Variants in TMEM38A observed in about 807,000 individuals in gnomAD.
TMEM38A encodes transmembrane protein 38A.
In TMEM38A, 17 loss-of-function variants were observed where a neutral mutation model predicts 28.6. The observed-to-expected ratio is 0.60, with a 90% CI of 0.41 to 0.89. The LOEUF (loss-of-function observed/expected upper bound fraction) is 0.89, where lower values mean the gene tolerates loss of function less well. Ranked by LOEUF, TMEM38A falls within the 40% of genes least tolerant of loss-of-function variation. The pLI is 0.00. For missense variants in TMEM38A, 328 were observed against 393.1 expected, an observed-to-expected ratio of 0.83 and a Z score of 1.40; for synonymous variants, 169 against 166.1, an observed-to-expected ratio of 1.02 and a Z score of -0.14.
In TMEM38A at chr19:16,671,201, C is replaced by CTTTTTTTT. The variant is rs34550977; in HGVS notation, c.125-8768_125-8761dup. Reference sequence around the variant, plus strand: ...GTATGGAAAGGGGAAAGGACCTGGGCTTTTTTTTTTTTTTTTTTTTTTGAG... The same window carrying CTTTTTTTT: ...GTATGGAAAGGGGAAAGGACCTGGGCTTTTTTTTTTTTTTTTTTTTTTTTTTTTTTGAG... On this transcript the variant is annotated intron_variant, in intron 1 of 5. Transcript: ENST00000187762. 7.0e-3 allele frequency among the ~76,000 whole-genome samples: 592 copies of CTTTTTTTT among 84,816 alleles called. 35 individuals carry two copies. Among genetic ancestry groups the CTTTTTTTT allele is most frequent in the African/African-American group, 0.023 (353 of 15,100 alleles). The allele number at this position is 84,816 out of a possible 152,430, so 55.6% of individuals were successfully genotyped here.
Position 16,682,484 on chromosome 19 carries a change from C to A in TMEM38A, c.530C>A (p.Thr177Asn). Reference protein sequence around the residue: ...QLLRGVWKPETNEILHMSFPT... With the variant: ...QLLRGVWKPENNEILHMSFPT... ...CTCCGAGGGGTCTGGAAGCCAGAGA[C>A]CAACGAGATCCTGCACATGTCTTTG... The change falls in exon 4 of 6, where the codon ACC becomes AAC. Residue 177 changes from threonine to asparagine, a missense_variant. Transcript: ENST00000187762. The A allele has an allele frequency of 6.2e-7, 1 of 1,614,050 alleles. No homozygotes were observed. Among genetic ancestry groups the A allele is most frequent in the Non-Finnish European group, 8.5e-7 (1 of 1,180,002 alleles).
chr19:16,676,996 G>A (rs922171906), intron 1 of TMEM38A, among the ~76,000 whole-genome samples: 1 of 150,834 alleles, frequency 6.6e-6, no homozygotes, highest in Non-Finnish European at 1.5e-5. Flanking sequence ...CCTGACCTCA[G>A]GTGATCCACC....
In TMEM38A at chr19:16,661,280, C is replaced by G. The variant is rs2086675311; in HGVS notation, c.63C>G (p.Leu21=). 2.5e-6 allele frequency: 4 copies of G among 1,599,512 alleles called. No individual in the cohort carries two copies. Among genetic ancestry groups the G allele is most frequent in the Non-Finnish European group, 3.4e-6 (4 of 1,173,764 alleles). ...ELALSFSRVP[L]FPVFDLSYFI... Reference sequence around the variant, plus strand: ...CGCTCAGCTTCTCGCGGGTGCCGCTCTTCCCCGTCTTCGACCTCAGTTACT... The same window carrying G: ...CGCTCAGCTTCTCGCGGGTGCCGCTGTTCCCCGTCTTCGACCTCAGTTACT... Residue 21 remains leucine, a synonymous_variant, in exon 1 of 6, where the codon CTC becomes CTG. Transcript: ENST00000187762. The surrounding 1 kb of genome is among the most constrained non-coding windows in gnomAD (Gnocchi z 6.5).
At chr19:16,680,346 A>G (rs1568316089) in intron 2 of TMEM38A, 51 bp from the exon 3 acceptor site, 2 of 1,600,554 alleles carry the variant, frequency 1.2e-6, no homozygotes, top group South Asian at 2.2e-5. Context: ...CCCTACCCCC[A>G]TCCTTCACAG....
chr19:16,688,997 C>G lies in TMEM38A; in HGVS notation c.*626C>G, dbSNP rs1196366077. On this transcript the variant is annotated 3_prime_UTR_variant, in exon 6 of 6. Coordinates refer to ENST00000187762, the MANE Select transcript of TMEM38A (RefSeq NM_024074.4). ...AATAAGACCTGTCTCCAGCAAGACC[C>G]TGTCTCAAAAAAAAAAAAAAAAATT... 9 of 79,168 alleles carry G rather than the reference C, an allele frequency of 1.1e-4. No homozygotes were observed. The highest frequency in any genetic ancestry group is 2.1e-4 in the Non-Finnish European group (8 of 37,476). The allele number at this position is 79,168 out of a possible 1,614,324, so 4.9% of individuals were successfully genotyped here. A position where few individuals can be genotyped will look rare whatever the true frequency, so the allele number is the denominator to read the frequency against.
chr19:16,676,446 TA>T (rs2086751868), intron 1 of TMEM38A, among the ~76,000 whole-genome samples: 3 of 152,262 alleles, frequency 2.0e-5, no homozygotes, highest in Admixed American at 6.5e-5. Flanking sequence ...TAAGTTGTAT[TA>T]GGGGAATCGT....
intron 1 of TMEM38A, among the ~76,000 whole-genome samples, chr19:16,665,736 T>C (rs1214091395): frequency 6.6e-6 from 1 of 152,076 alleles, no homozygotes; most frequent in Non-Finnish European, 1.5e-5. Context: ...TTTGGAAGTC[T>C]AGGGAGGAAT....
At chr19:16,685,151 C>T (rs896657874) in intron 4 of TMEM38A, among the ~76,000 whole-genome samples, 7 of 152,032 alleles carry the variant, frequency 4.6e-5, no homozygotes, top group Non-Finnish European at 8.8e-5. Context: ...CTTTGGGAGG[C>T]TGAGGCGGGT....
intron 1 of TMEM38A, among the ~76,000 whole-genome samples, chr19:16,670,498 C>A (rs1012488256): frequency 2.0e-5 from 3 of 152,078 alleles, no homozygotes; most frequent in Non-Finnish European, 4.4e-5. Flanking sequence ...CAGGTACTTT[C>A]CATTTCCGCA....
At chr19:16,680,707 T>G in intron 3 of TMEM38A, 126 bp downstream of exon 3, 1 of 855,926 alleles carries the variant, frequency 1.2e-6, no homozygotes, top group South Asian at 1.6e-5. Flanking sequence ...GCAGTAGGTG[T>G]TCAAACCTCC....
At chr19:16,683,726 T>A (rs537852573) in intron 4 of TMEM38A, among the ~76,000 whole-genome samples, 1 of 152,072 alleles carries the variant, frequency 6.6e-6, no homozygotes, top group Non-Finnish European at 1.5e-5. Flanking sequence ...ATCCCAGCAC[T>A]TTGGGAGGCT....
chr19:16,686,864 C>T (rs1275642218), intron 5 of TMEM38A, among the ~76,000 whole-genome samples: 3 of 152,076 alleles, frequency 2.0e-5, no homozygotes, highest in Admixed American at 6.6e-5. Context: ...GGTGAGGACT[C>T]CAGGGCTGTC....
intron 3 of TMEM38A, among the ~76,000 whole-genome samples, chr19:16,681,451 A>C (rs1323358693): frequency 6.6e-6 from 1 of 152,166 alleles, no homozygotes; most frequent in Non-Finnish European, 1.5e-5. Flanking sequence ...AATGGACAGA[A>C]GTTAGGGGAG....
At chr19:16,678,152 A>C (rs2086760673) in intron 1 of TMEM38A, among the ~76,000 whole-genome samples, 1 of 152,164 alleles carries the variant, frequency 6.6e-6, no homozygotes, top group African/African-American at 2.4e-5. Context: ...TTGGCCAGCC[A>C]CTTGGCAGTG....
In TMEM38A at chr19:16,661,237, T is replaced by C. The variant is rs1027943086; in HGVS notation, c.20T>C (p.Leu7Pro). The change falls in exon 1 of 6, where the codon CTG becomes CCG. Residue 7 changes from leucine (L) to proline (P), a missense_variant. Leu to Pro is a moderately conservative substitution (Grantham distance 98). Coordinates refer to ENST00000187762, the MANE Select transcript of TMEM38A (RefSeq NM_024074.4). The surrounding 1 kb of genome is among the most constrained non-coding windows in gnomAD (Gnocchi z 6.5). Reference protein sequence around the residue: MELLSALSLGELALSFS... With the variant: MELLSAPSLGELALSFS... ...GGCGCCATGGAGCTGCTCTCGGCGC[T>C]GAGCCTGGGCGAACTGGCGCTCAGC... 3.2e-6 allele frequency: 5 copies of C among 1,579,198 alleles called. No homozygotes were observed. In the African/African-American group the frequency reaches 5.5e-5, roughly 17 times the overall value.
At chr19:16,680,933 C>T in intron 3 of TMEM38A, 1 of 217,576 alleles carries the variant, frequency 4.6e-6, no homozygotes, top group Non-Finnish European at 9.3e-6. Flanking sequence ...CCCCTGGCCT[C>T]CACCCACGAG....
chr19:16,663,814 G>A (rs529016176), intron 1 of TMEM38A, among the ~76,000 whole-genome samples: 1 of 152,010 alleles, frequency 6.6e-6, no homozygotes, highest in East Asian at 1.9e-4. Flanking sequence ...GGGATTACAG[G>A]TGTGAGCCAC....
intron 1 of TMEM38A, among the ~76,000 whole-genome samples, chr19:16,663,855 C>T (rs1000445827): frequency 6.6e-6 from 1 of 151,842 alleles, no homozygotes; most frequent in South Asian, 2.1e-4. Context: ...CTTTTAAACC[C>T]CCTATCTCCA....
chr19:16,679,989 G>C lies in TMEM38A; in HGVS notation c.130G>C (p.Val44Leu). 6.2e-7 allele frequency: 1 copy of C among 1,603,648 alleles called. No homozygotes were observed. The highest frequency in any genetic ancestry group is 1.1e-5 in the South Asian group (1 of 90,610). ...GACACTCCTGTGCCTCCCAGGAGCA[G>C]TCGAACTGTCCCGGCGCCACCCCAT... is the stretch of plus-strand genomic sequence containing the variant. ...ILYLKYEPGA[V>L]ELSRRHPIAS... The change falls in exon 2 of 6, where the codon GTC (valine) becomes CTC (leucine). Residue 44 changes from valine to leucine, a missense_variant. Physicochemically the swap from Val to Leu is conservative, Grantham distance 32 (BLOSUM62 1). Transcript: ENST00000187762.
Sources: allele counts gnomAD v4.1 joint callset (sites outside exome capture counted in the v4.1 genomes callset), GRCh38; gene constraint gnomAD v4.1.1; non-coding constraint Gnocchi (gnomAD v3.1); transcripts MANE v1.5; gene names NCBI Gene and HGNC (gene_info 2026-07-23, HGNC 2026-07-21).